Variants in TRABD2B observed in about 807,000 individuals in gnomAD.
TRABD2B encodes the protein TraB domain containing 2B.
A neutral mutation model predicts 40.1 loss-of-function variants in TRABD2B; 14 were observed. The ratio of observed to expected loss-of-function variants is 0.35; its 90% CI spans 0.23 to 0.55. The LOEUF is 0.55. Among genes scored for constraint, TRABD2B ranks in the 20% least tolerant of loss-of-function variants. The pLI is 0.90. For synonymous variants in TRABD2B, 263 were observed against 277.0 expected (o/e 0.95, Z 0.50); for missense variants, 541 against 648.6 (o/e 0.83, Z 1.80).
At chr1:47,789,089 A>T (rs1027107654) in intron 4 of TRABD2B, among the ~76,000 whole-genome samples, 3 of 152,138 alleles carry the variant, frequency 2.0e-5, no homozygotes, top group African/African-American at 7.2e-5. Context: ...ATTCTGTGTG[A>T]TTTGGTCCAG....
At chr1:47,786,760 G>A (rs566353077) in intron 4 of TRABD2B, among the ~76,000 whole-genome samples, 1 of 152,274 alleles carries the variant, frequency 6.6e-6, no homozygotes, top group South Asian at 2.1e-4. Context: ...CCAGGCTGGA[G>A]TGCAGCCTTG....
chr1:47,783,721 A>G (rs945686954), intron 4 of TRABD2B, among the ~76,000 whole-genome samples: 4 of 152,228 alleles, frequency 2.6e-5, no homozygotes, highest in Admixed American at 1.3e-4. Context: ...CCTAAGCGCA[A>G]TCTAGCCTAT....
At chr1:47,858,037 T>C (rs1361635851) in intron 2 of TRABD2B, among the ~76,000 whole-genome samples, 1 of 152,138 alleles carries the variant, frequency 6.6e-6, no homozygotes, top group East Asian at 1.9e-4. Flanking sequence ...AATGGTTCTA[T>C]TGTATGATTA....
At chr1:47,877,364 A>C (rs1644240527) in intron 2 of TRABD2B, among the ~76,000 whole-genome samples, 1 of 151,932 alleles carries the variant, frequency 6.6e-6, no homozygotes, top group African/African-American at 2.4e-5. Context: ...ATGGTGATCT[A>C]CTCTAAGTGC....
intron 2 of TRABD2B, among the ~76,000 whole-genome samples, chr1:47,977,443 A>C (rs574470939): frequency 2.7e-4 from 41 of 152,246 alleles, no homozygotes; most frequent in Non-Finnish European, 4.6e-4. Context: ...GAGTGGGACA[A>C]AGTAAACCAC....
chr1:47,833,872 C>A (rs1326249707), intron 2 of TRABD2B, among the ~76,000 whole-genome samples: 1 of 152,216 alleles, frequency 6.6e-6, no homozygotes, highest in Non-Finnish European at 1.5e-5. Context: ...TCAGAATAAG[C>A]TTTTTCAGAA....
At chr1:47,779,320 T>G (rs886942325) in intron 4 of TRABD2B, among the ~76,000 whole-genome samples, 2 of 152,156 alleles carry the variant, frequency 1.3e-5, no homozygotes, top group African/African-American at 4.8e-5. Flanking sequence ...GGCAGAAACA[T>G]AGAACTGAAC....
intron 2 of TRABD2B, among the ~76,000 whole-genome samples, chr1:47,810,153 T>TGTGC (rs386353946): frequency 0.017 from 2,522 of 151,144 alleles, 27 homozygotes; most frequent in Non-Finnish European, 0.025. Context: ...TGTGTGTGTG[T>TGTGC]GCGCGCGCGC....
chr1:47,981,266 G>A (rs1198352573), intron 2 of TRABD2B, among the ~76,000 whole-genome samples: 1 of 152,162 alleles, frequency 6.6e-6, no homozygotes. Flanking sequence ...CACCCACCTC[G>A]GCCTCCCAAA....
chr1:47,989,543 T>G (rs369613087), intron 2 of TRABD2B, among the ~76,000 whole-genome samples: 32 of 151,806 alleles, frequency 2.1e-4, no homozygotes, highest in South Asian at 1.0e-3. Context: ...TATTGGGGGG[T>G]GTGTGTGTGT....
At chr1:47,945,736 G>GT (rs1412725600) in intron 2 of TRABD2B, among the ~76,000 whole-genome samples, 1 of 152,112 alleles carries the variant, frequency 6.6e-6, no homozygotes. Flanking sequence ...TGTATCAGTA[G>GT]TTTTTTTCCT....
At chr1:47,932,318 G>T (rs1178215111) in intron 2 of TRABD2B, among the ~76,000 whole-genome samples, 1 of 152,162 alleles carries the variant, frequency 6.6e-6, no homozygotes, top group African/African-American at 2.4e-5. Flanking sequence ...ACCAAGGAGA[G>T]GACCAAATGG....
chr1:47,857,278 C>T (rs1371573756), intron 2 of TRABD2B, among the ~76,000 whole-genome samples: 1 of 152,152 alleles, frequency 6.6e-6, no homozygotes, highest in African/African-American at 2.4e-5. Context: ...CTGGACCCTC[C>T]CCCTTCCTGA....
chr1:47,986,880 G>A (rs1645926852), intron 2 of TRABD2B, among the ~76,000 whole-genome samples: 1 of 152,192 alleles, frequency 6.6e-6, no homozygotes, highest in African/African-American at 2.4e-5. Context: ...AGAACTGAAG[G>A]CTCGGCCACC....
At chr1:47,988,100 G>A in intron 2 of TRABD2B, among the ~76,000 whole-genome samples, 1 of 152,124 alleles carries the variant, frequency 6.6e-6, no homozygotes, top group South Asian at 2.1e-4. Context: ...AACACTGTGG[G>A]CTCCAGGGCT....
intron 2 of TRABD2B, among the ~76,000 whole-genome samples, chr1:47,924,266 G>A (rs1165790050): frequency 6.6e-6 from 1 of 152,162 alleles, no homozygotes; most frequent in Non-Finnish European, 1.5e-5. Flanking sequence ...AGAAGACCAA[G>A]GTTTACCCCC....
At chr1:47,877,828 A>C (rs1452891481) in intron 2 of TRABD2B, among the ~76,000 whole-genome samples, 1 of 151,996 alleles carries the variant, frequency 6.6e-6, no homozygotes, top group East Asian at 1.9e-4. Context: ...CCCTGTCTCT[A>C]ATACAAATAA....
intron 6 of TRABD2B, among the ~76,000 whole-genome samples, chr1:47,773,489 G>A (rs1644403167): frequency 6.6e-6 from 1 of 152,246 alleles, no homozygotes; most frequent in Non-Finnish European, 1.5e-5. Flanking sequence ...GGATCTGGTG[G>A]GAGATAATTG....
intron 2 of TRABD2B, among the ~76,000 whole-genome samples, chr1:47,878,504 C>G (rs374263523): frequency 7.9e-4 from 121 of 152,240 alleles, no homozygotes; most frequent in African/African-American, 2.5e-3. Context: ...GACACCATAG[C>G]GAGTGAAAAA....
Sources: allele counts gnomAD v4.1 joint callset (sites outside exome capture counted in the v4.1 genomes callset), GRCh38; gene constraint gnomAD v4.1.1; transcripts MANE v1.5; gene names NCBI Gene and HGNC (gene_info 2026-07-23, HGNC 2026-07-21).